The following SMARCC1 variants were observed in gnomAD, a reference collection of about 807,000 sequenced individuals.
SMARCC1 encodes the protein SWI/SNF related BAF chromatin remodeling complex subunit C1.
SMARCC1 carries 43 observed loss-of-function variants against 147.4 expected under a neutral mutation model. That is an observed-to-expected ratio of 0.29 (90% CI 0.23 to 0.38). SMARCC1 has a LOEUF of 0.38. Among genes scored for constraint, SMARCC1 ranks in the 10% least tolerant of loss-of-function variants. The pLI is 1.00. For synonymous variants in SMARCC1, 495 were observed against 484.4 expected (o/e 1.02, Z -0.29); for missense variants, 1,119 against 1,381.1 (o/e 0.81, Z 3.01).
At chr3:47,681,035 T>A (rs2033638161) in intron 14 of SMARCC1, among the ~76,000 whole-genome samples, 1 of 152,156 alleles carries the variant, frequency 6.6e-6, no homozygotes, top group Non-Finnish European at 1.5e-5. Context: ...TCTATTCCCA[T>A]AACCAAACTA....
chr3:47,723,718 C>T lies in SMARCC1; in HGVS notation c.647-2983G>A, dbSNP rs928456571. Among the ~76,000 whole-genome samples the T allele has an allele frequency of 3.3e-5, 5 of 151,886 alleles. No individual in the cohort carries two copies. The East Asian group carries it at 9.6e-4, about 29-fold the overall frequency. On this transcript the variant is annotated intron_variant, in intron 6 of 27. Transcript: ENST00000254480. ...ATCCCAGCTACTTGAGTGGCTGAGG[C>T]AGAAATGCTTGAACCTGGGAGGTGG...
intron 2 of SMARCC1, among the ~76,000 whole-genome samples, chr3:47,748,294 G>C (rs1445735028): frequency 6.6e-6 from 1 of 152,098 alleles, no homozygotes; most frequent in Non-Finnish European, 1.5e-5. Flanking sequence ...GCTCACTGTA[G>C]CCTCTGCCTT....
At chr3:47,628,893 G>A (rs947215004) in intron 24 of SMARCC1, among the ~76,000 whole-genome samples, 6 of 152,104 alleles carry the variant, frequency 3.9e-5, no homozygotes, top group African/African-American at 1.4e-4. Context: ...ACAACACCTT[G>A]AACTGAAGTA....
At chr3:47,755,989 TAAAAAAA>T (rs34001771) in intron 2 of SMARCC1, among the ~76,000 whole-genome samples, 1 of 22,894 alleles carries the variant, frequency 4.4e-5, no homozygotes. Flanking sequence ...GGCTTCATCT[TAAAAAAA>T]AAAAAAAAAA....
At chr3:47,686,628 T>C (rs956651524) in intron 13 of SMARCC1, among the ~76,000 whole-genome samples, 1 of 152,218 alleles carries the variant, frequency 6.6e-6, no homozygotes, top group Non-Finnish European at 1.5e-5. Context: ...TTGAAATGTT[T>C]TACAATTTTC....
chr3:47,759,146 G>A (rs2034741138), intron 2 of SMARCC1, among the ~76,000 whole-genome samples: 2 of 151,978 alleles, frequency 1.3e-5, no homozygotes, highest in African/African-American at 4.8e-5. Flanking sequence ...CAAATAGCTG[G>A]GACGACAGGG....
At chr3:47,727,838 G>T (rs1391567294) in intron 6 of SMARCC1, among the ~76,000 whole-genome samples, 1 of 151,452 alleles carries the variant, frequency 6.6e-6, no homozygotes, top group Non-Finnish European at 1.5e-5. Context: ...TGATCCACCC[G>T]CCTTGGCCTC....
chr3:47,643,770 T>C (rs1317060191), intron 21 of SMARCC1, among the ~76,000 whole-genome samples: 1 of 152,218 alleles, frequency 6.6e-6, no homozygotes, highest in Non-Finnish European at 1.5e-5. Context: ...ACAGAATGAT[T>C]CAAATTATTG....
intron 6 of SMARCC1, among the ~76,000 whole-genome samples, chr3:47,723,885 T>C (rs955612894): frequency 2.6e-5 from 4 of 152,028 alleles, no homozygotes. Context: ...AAAGATGATA[T>C]ACAAATGACC....
chr3:47,618,991 T>C (rs1054476904), intron 25 of SMARCC1, among the ~76,000 whole-genome samples: 12 of 152,180 alleles, frequency 7.9e-5, no homozygotes, highest in African/African-American at 2.2e-4. Flanking sequence ...CACTCCACTA[T>C]ATTATAGCCC....
intron 2 of SMARCC1, among the ~76,000 whole-genome samples, chr3:47,759,955 G>C (rs1465808257): frequency 1.3e-5 from 2 of 151,438 alleles, no homozygotes; most frequent in Non-Finnish European, 2.9e-5. Context: ...AAAAGAAAAA[G>C]AAAAAATGTA....
chr3:47,606,652 C>A (rs2032481218), intron 26 of SMARCC1, among the ~76,000 whole-genome samples: 1 of 152,140 alleles, frequency 6.6e-6, no homozygotes, highest in African/African-American at 2.4e-5. Flanking sequence ...CTACAGTAAA[C>A]TTCCTCTTAA....
At chr3:47,588,390 A>G in intron 27 of SMARCC1, 84 bp from the exon 28 acceptor site, 3 of 1,315,434 alleles carry the variant, frequency 2.3e-6, no homozygotes, top group Non-Finnish European at 3.2e-6. Context: ...AAAAAGACAC[A>G]GAAGTCCTTT....
At chr3:47,747,288 T>C (rs916124038) in intron 2 of SMARCC1, among the ~76,000 whole-genome samples, 3 of 151,228 alleles carry the variant, frequency 2.0e-5, no homozygotes, top group Non-Finnish European at 4.4e-5. Context: ...GCAAAAGAAA[T>C]TAGCCAGGCA....
chr3:47,756,953 T>C (rs1401522629), intron 2 of SMARCC1, among the ~76,000 whole-genome samples: 1 of 152,130 alleles, frequency 6.6e-6, no homozygotes, highest in Non-Finnish European at 1.5e-5. Context: ...ATATCCAGAA[T>C]ACCTAAGAAA....
At chr3:47,670,495 G>T (rs1247973307) in intron 19 of SMARCC1, 163 bp downstream of exon 19, 1 of 611,408 alleles carries the variant, frequency 1.6e-6, no homozygotes, top group Non-Finnish European at 3.0e-6. Flanking sequence ...AAGGTAAGAG[G>T]ATCGCCTGAG....
chr3:47,604,230 G>GAGA (rs1269482971), intron 26 of SMARCC1: 1 of 456,756 alleles, frequency 2.2e-6, no homozygotes, highest in Non-Finnish European at 4.4e-6. Context: ...GAGTTTTGTA[G>GAGA]AGAAGAATTA....
chr3:47,672,593 G>C (rs116341793), intron 18 of SMARCC1, among the ~76,000 whole-genome samples: 207 of 152,148 alleles, frequency 1.4e-3, no homozygotes, highest in African/African-American at 4.7e-3. Context: ...GCCCCAAGAA[G>C]AACAAAATTC....
chr3:47,658,876 T>C (rs2033298388), intron 21 of SMARCC1, among the ~76,000 whole-genome samples: 1 of 152,084 alleles, frequency 6.6e-6, no homozygotes, highest in African/African-American at 2.4e-5. Flanking sequence ...TCCCAACACT[T>C]TGGCAGACCG....
Sources: allele counts gnomAD v4.1 joint callset (sites outside exome capture counted in the v4.1 genomes callset), GRCh38; gene constraint gnomAD v4.1.1; transcripts MANE v1.5; gene names NCBI Gene and HGNC (gene_info 2026-07-23, HGNC 2026-07-21).